Variants in PDGFD observed in about 807,000 individuals in gnomAD.
PDGFD encodes platelet derived growth factor D.
PDGFD carries 30 observed loss-of-function variants against 44.7 expected under a neutral mutation model. The observed-to-expected ratio is 0.67, with a 90% confidence interval of 0.50 to 0.91. PDGFD has a LOEUF of 0.91. Ranked by LOEUF, PDGFD falls within the 40% of genes least tolerant of loss-of-function variation. The pLI, the probability that PDGFD is intolerant of heterozygous loss-of-function variation, is 0.00. For missense variants in PDGFD, 445 were observed against 457.8 expected, an observed-to-expected ratio of 0.97 and a Z score of 0.25; for synonymous variants, 173 against 168.4, an observed-to-expected ratio of 1.03 and a Z score of -0.21.
chr11:104,156,592 T>G (rs1862311218), intron 1 of PDGFD, among the ~76,000 whole-genome samples: 1 of 151,848 alleles, frequency 6.6e-6, no homozygotes, highest in African/African-American at 2.4e-5. Flanking sequence ...CCTCTCCACC[T>G]CCTAATTGTA....
chr11:104,154,757 A>G (rs991461262), intron 1 of PDGFD, among the ~76,000 whole-genome samples: 15 of 152,212 alleles, frequency 9.9e-5, no homozygotes, highest in African/African-American at 3.4e-4. Context: ...AGAGGTACCA[A>G]GAGCACAACA....
In PDGFD at chr11:103,956,582, T is replaced by A. The variant is rs1225119551; in HGVS notation, c.511-8858A>T. ...AGTCCTTTGGGTATATATCCAGTAATGGGATGGCTGGGTCAAATGGTATTT... is the reference window on the plus strand; with the variant it reads ...AGTCCTTTGGGTATATATCCAGTAAAGGGATGGCTGGGTCAAATGGTATTT... On this transcript the variant is annotated intron_variant, in intron 3 of 6. Transcript: ENST00000393158. 1.1e-4 allele frequency among the ~76,000 whole-genome samples: 17 copies of A among 151,848 alleles called. No individual in the cohort carries two copies. The East Asian group carries it at 3.3e-3, about 29-fold the overall frequency.
chr11:104,034,311 T>A (rs1860181819), intron 1 of PDGFD, among the ~76,000 whole-genome samples: 1 of 144,612 alleles, frequency 6.9e-6, no homozygotes, highest in Admixed American at 7.0e-5. Context: ...CCCTAGAACT[T>A]AGCACATGCT....
At chr11:104,018,636 A>G (rs1263344602) in intron 1 of PDGFD, among the ~76,000 whole-genome samples, 1 of 152,150 alleles carries the variant, frequency 6.6e-6, no homozygotes, top group South Asian at 2.1e-4. Flanking sequence ...TGGTCCCCAG[A>G]TGGCCCTTTT....
intron 1 of PDGFD, among the ~76,000 whole-genome samples, chr11:104,129,402 C>T (rs1861885389): frequency 6.6e-6 from 1 of 152,094 alleles, no homozygotes; most frequent in Admixed American, 6.5e-5. Flanking sequence ...GCAACGTTTC[C>T]TCCTGTGATC....
chr11:103,946,639 CATA>C (rs1858671759), intron 4 of PDGFD: 1 of 152,260 alleles, frequency 6.6e-6, no homozygotes, highest in South Asian at 2.1e-4. Context: ...ACCTCTTCAG[CATA>C]TCTGCCTTGT....
In PDGFD at chr11:104,036,909, C is replaced by T. The variant is rs908350754; in HGVS notation, c.125-36654G>A. ...TCAGCCCCGACTTTGAGCTCCGAAA[C>T]TTCAAGGTCCTCTGCGAAGCGGAGT... On this transcript the variant is annotated intron_variant, in intron 1 of 6. Transcript: ENST00000393158. 1.9e-6 allele frequency: 3 copies of T among 1,614,108 alleles called. No individual in the cohort carries two copies. The African/African-American group carries it at 4.0e-5, about 22-fold the overall frequency.
At chr11:104,058,627 C>G (rs1029707622) in intron 1 of PDGFD, among the ~76,000 whole-genome samples, 1 of 152,170 alleles carries the variant, frequency 6.6e-6, no homozygotes, top group Non-Finnish European at 1.5e-5. Context: ...ACTTACCACA[C>G]TCATAGGTAT....
intron 3 of PDGFD, among the ~76,000 whole-genome samples, chr11:103,976,697 T>C (rs1859190484): frequency 6.6e-6 from 1 of 152,074 alleles, no homozygotes; most frequent in Non-Finnish European, 1.5e-5. Flanking sequence ...TTGAGATACG[T>C]TCTACTGAAT....
chr11:104,099,168 C>G (rs1861331488), intron 1 of PDGFD, among the ~76,000 whole-genome samples: 1 of 152,154 alleles, frequency 6.6e-6, no homozygotes, highest in Admixed American at 6.6e-5. Context: ...TAATCATCAG[C>G]AGAGCCAAAA....
chr11:104,119,142 T>TTGGTA (rs1565340560), intron 1 of PDGFD, among the ~76,000 whole-genome samples: 32 of 25,096 alleles, frequency 1.3e-3, no homozygotes, highest in East Asian at 1.6e-3. Context: ...ATATAATATA[T>TTGGTA]TAATATAATA....
intron 1 of PDGFD, among the ~76,000 whole-genome samples, chr11:104,134,808 C>A (rs142417687): frequency 6.6e-6 from 1 of 152,312 alleles, no homozygotes; most frequent in East Asian, 1.9e-4. Flanking sequence ...AAACCCTGGG[C>A]TGCACATCTG....
intron 1 of PDGFD, among the ~76,000 whole-genome samples, chr11:104,083,070 T>C (rs987537304): frequency 6.6e-6 from 1 of 152,210 alleles, no homozygotes; most frequent in African/African-American, 2.4e-5. Context: ...ATATTTTAGG[T>C]TGCTATAAAC....
At chr11:104,037,930 TCTAGGATGGTAAGTGGG>T (rs1404258296) in intron 1 of PDGFD, 1 of 1,614,084 alleles carries the variant, frequency 6.2e-7, no homozygotes, top group Admixed American at 1.7e-5. Context: ...GCCCTTATGC[TCTAGGATGGTAAGTGGG>T]CAAGATGAGT....
At chr11:104,141,347 T>A (rs1862082385) in intron 1 of PDGFD, among the ~76,000 whole-genome samples, 1 of 152,184 alleles carries the variant, frequency 6.6e-6, no homozygotes, top group Admixed American at 6.5e-5. Context: ...TTTTTTGTGC[T>A]TGCTTCGGCA....
chr11:104,062,718 A>G (rs1441776490), intron 1 of PDGFD, among the ~76,000 whole-genome samples: 1 of 152,216 alleles, frequency 6.6e-6, no homozygotes, highest in Non-Finnish European at 1.5e-5. Flanking sequence ...AGTAAATTCA[A>G]AGCTACTTCC....
chr11:104,028,982 C>T (rs1225160854), intron 1 of PDGFD, among the ~76,000 whole-genome samples: 1 of 152,126 alleles, frequency 6.6e-6, no homozygotes, highest in Non-Finnish European at 1.5e-5. Context: ...CCTCTGGAGG[C>T]CTCCAACGAC....
At chr11:103,911,079 C>T (rs1475680975) in intron 6 of PDGFD, among the ~76,000 whole-genome samples, 1 of 152,196 alleles carries the variant, frequency 6.6e-6, no homozygotes, top group African/African-American at 2.4e-5. Context: ...AGGCAGCAGC[C>T]CCAGTCAGGG....
chr11:103,939,644 T>A (rs1055670652), intron 5 of PDGFD, among the ~76,000 whole-genome samples: 1 of 152,080 alleles, frequency 6.6e-6, no homozygotes, highest in Admixed American at 6.6e-5. Flanking sequence ...ATTTAAGGAG[T>A]ATTTATGTAG....
Sources: allele counts gnomAD v4.1 joint callset (sites outside exome capture counted in the v4.1 genomes callset), GRCh38; gene constraint gnomAD v4.1.1; transcripts MANE v1.5; gene names NCBI Gene and HGNC (gene_info 2026-07-23, HGNC 2026-07-21).